The following SLCO5A1 variants were observed in gnomAD, a reference collection of about 807,000 sequenced individuals.
SLCO5A1 encodes solute carrier organic anion transporter family member 5A1.
A neutral mutation model predicts 65.1 loss-of-function variants in SLCO5A1; 39 were observed. That is an observed-to-expected ratio of 0.60 (90% CI 0.46 to 0.78). The LOEUF is 0.78. Among genes scored for constraint, SLCO5A1 ranks in the 30% least tolerant of loss-of-function variants. The probability of loss-of-function intolerance (pLI) is 0.00; values close to 1 mark genes in which losing one functional copy is unlikely to be tolerated. For missense variants in SLCO5A1, 1,029 were observed against 1,069.4 expected (o/e 0.96, Z 0.53); for synonymous variants, 438 against 415.7 (o/e 1.05, Z -0.65).
At chr8:69,759,797 C>T (rs1189767900) in intron 3 of SLCO5A1, among the ~76,000 whole-genome samples, 2 of 152,144 alleles carry the variant, frequency 1.3e-5, no homozygotes, top group Non-Finnish European at 2.9e-5. Flanking sequence ...AGGCATGCGC[C>T]ACCACACTCG....
At position 69,755,665 on chromosome 8, in the gene SLCO5A1, A is replaced by G. The variant is rs755192653; in HGVS notation, c.1041-24T>C. 2.5e-6 allele frequency: 4 copies of G among 1,578,370 alleles called. No homozygotes were observed. In the Admixed American group the frequency reaches 7.2e-5, roughly 28 times the overall value. On this transcript the variant is annotated intron_variant, in intron 3 of 9. Transcript: ENST00000260126. ...ACCTAAAAAATTGGAAAATGTGAAT[A>G]GCATTTACGTCTTTTCTTTTGTGAG...
intron 2 of SLCO5A1, among the ~76,000 whole-genome samples, chr8:69,829,444 T>A (rs897495648): frequency 6.6e-6 from 1 of 152,236 alleles, no homozygotes. Flanking sequence ...CCAAATGCAA[T>A]GCATGAATGA....
At chr8:69,746,881 G>A (rs375217945) in intron 4 of SLCO5A1, among the ~76,000 whole-genome samples, 1 of 152,244 alleles carries the variant, frequency 6.6e-6, no homozygotes, top group East Asian at 1.9e-4. Context: ...CTGCCACTGC[G>A]AGCATACCTT....
At chr8:69,734,439 G>A (rs73285553) in intron 5 of SLCO5A1, among the ~76,000 whole-genome samples, 3,514 of 152,260 alleles carry the variant, frequency 0.023, 139 homozygotes, top group African/African-American at 0.077. Flanking sequence ...CCCCATCAGC[G>A]AAAATAATCT....
intron 4 of SLCO5A1, among the ~76,000 whole-genome samples, chr8:69,751,674 G>A (rs977145340): frequency 2.6e-5 from 4 of 151,858 alleles, no homozygotes. Flanking sequence ...AGCCTCCAAA[G>A]TAGCTGGGAT....
At chr8:69,754,873 T>A (rs942247576) in intron 4 of SLCO5A1, among the ~76,000 whole-genome samples, 1 of 152,172 alleles carries the variant, frequency 6.6e-6, no homozygotes, top group African/African-American at 2.4e-5. Flanking sequence ...TGGGGCCACA[T>A]GCAAGCATTT....
intron 2 of SLCO5A1, among the ~76,000 whole-genome samples, chr8:69,828,453 T>A (rs1821017869): frequency 6.6e-6 from 1 of 151,722 alleles, no homozygotes; most frequent in Admixed American, 6.6e-5. Context: ...ATACAAAAAA[T>A]TAGCTGGGCG....
intron 2 of SLCO5A1, among the ~76,000 whole-genome samples, chr8:69,775,087 G>T (rs1818505866): frequency 1.3e-5 from 2 of 152,128 alleles, no homozygotes; most frequent in South Asian, 4.1e-4. Context: ...AGCTGCCACG[G>T]CAGTCAGGGA....
intron 5 of SLCO5A1, among the ~76,000 whole-genome samples, chr8:69,713,159 C>A (rs1327761550): frequency 6.6e-6 from 1 of 152,192 alleles, no homozygotes; most frequent in Non-Finnish European, 1.5e-5. Flanking sequence ...GAATATCCAA[C>A]CATGGTGACT....
chr8:69,738,004 T>G, intron 5 of SLCO5A1, 36 bp downstream of exon 5: 2 of 1,593,686 alleles, frequency 1.3e-6, no homozygotes, highest in Non-Finnish European at 1.7e-6. Flanking sequence ...GTCAAAATGA[T>G]CATGTTTTCA....
intron 5 of SLCO5A1, 37 bp from the exon 6 acceptor site, chr8:69,705,266 A>T: frequency 6.3e-7 from 1 of 1,587,744 alleles, no homozygotes; most frequent in South Asian, 1.1e-5. Flanking sequence ...ATTTGAACTC[A>T]TGTACACTAT....
chr8:69,775,400 A>T (rs1818514946), intron 2 of SLCO5A1, among the ~76,000 whole-genome samples: 1 of 152,196 alleles, frequency 6.6e-6, no homozygotes, highest in Admixed American at 6.5e-5. Context: ...ACAGATTGGC[A>T]CATGTATCCA....
rs577931785 is a variant in SLCO5A1, at chr8:69,824,305, A to G, written c.907+7462T>C. On this transcript the variant is annotated intron_variant, in intron 2 of 9. Coordinates refer to ENST00000260126, the MANE Select transcript of SLCO5A1 (RefSeq NM_030958.3). ...GCAGAACTGAAGGAAATAGAGACAC[A>G]AAAAACCCTTCAAAAAATTAATGAA... 1.1e-4 allele frequency among the ~76,000 whole-genome samples: 17 copies of G among 152,256 alleles called. 1 individual carries two copies. In the South Asian group the frequency reaches 3.5e-3, roughly 32 times the overall value.
At chr8:69,685,777 C>T (rs1229162852) in intron 6 of SLCO5A1, among the ~76,000 whole-genome samples, 3 of 152,114 alleles carry the variant, frequency 2.0e-5, no homozygotes, top group Non-Finnish European at 4.4e-5. Context: ...TCAAGAAAAC[C>T]AGCCCTGGGG....
intron 2 of SLCO5A1, among the ~76,000 whole-genome samples, chr8:69,800,779 G>C (rs546768840): frequency 6.6e-6 from 1 of 152,282 alleles, no homozygotes; most frequent in East Asian, 1.9e-4. Flanking sequence ...CCAGAACCCA[G>C]GCTGATGGCA....
At chr8:69,677,099 A>G (rs1173907852) in intron 8 of SLCO5A1, among the ~76,000 whole-genome samples, 1 of 152,144 alleles carries the variant, frequency 6.6e-6, no homozygotes, top group Non-Finnish European at 1.5e-5. Context: ...AGATGCATAC[A>G]TTGAAAATTA....
chr8:69,796,721 G>A (rs1563729768), intron 2 of SLCO5A1, among the ~76,000 whole-genome samples: 1 of 150,644 alleles, frequency 6.6e-6, no homozygotes, highest in African/African-American at 2.4e-5. Flanking sequence ...CAACTTTCAG[G>A]TCATTTCTTT....
At chr8:69,702,582 T>C (rs1257625000) in intron 6 of SLCO5A1, among the ~76,000 whole-genome samples, 1 of 152,218 alleles carries the variant, frequency 6.6e-6, no homozygotes, top group Non-Finnish European at 1.5e-5. Context: ...CACAGTATTC[T>C]GTAATCTAAA....
intron 2 of SLCO5A1, among the ~76,000 whole-genome samples, chr8:69,803,089 G>A (rs1819825698): frequency 6.6e-6 from 1 of 152,150 alleles, no homozygotes; most frequent in Non-Finnish European, 1.5e-5. Context: ...AGATCAGCCT[G>A]GGAGACATGG....
Sources: allele counts gnomAD v4.1 joint callset (sites outside exome capture counted in the v4.1 genomes callset), GRCh38; gene constraint gnomAD v4.1.1; transcripts MANE v1.5; gene names NCBI Gene and HGNC (gene_info 2026-07-23, HGNC 2026-07-21).